KHDRBS2: variants seen among roughly 807,000 people sequenced by gnomAD.
KHDRBS2 encodes the protein KH RNA binding domain containing, signal transduction associated 2, also known as KH domain-containing, RNA-binding, signal transduction-associated protein 2.
In KHDRBS2, 26 loss-of-function variants were observed where a neutral mutation model predicts 44.3. That is an observed-to-expected ratio of 0.59 (90% confidence interval 0.43 to 0.81). The LOEUF (loss-of-function observed/expected upper bound fraction) is 0.81. Among genes scored for constraint, KHDRBS2 ranks in the 40% least tolerant of loss-of-function variants. KHDRBS2 has a pLI of 0.00. For missense variants in KHDRBS2, 476 were observed against 433.1 expected (o/e 1.10, Z -0.88); for synonymous variants, 194 against 151.1 (o/e 1.28, Z -2.08).
rs749292989 is a variant in KHDRBS2, at chr6:61,732,695, T to C, written c.880A>G (p.Thr294Ala). 4 of 1,606,056 alleles carry C rather than the reference T, an allele frequency of 2.5e-6. No individual in the cohort carries two copies. Among genetic ancestry groups the C allele is most frequent in the Non-Finnish European group, 2.6e-6 (3 of 1,173,002 alleles). ...CAAATGCCTTACCTTTGTGTTTGGG[T>C]CGCATAGCTGTTATCATAAGTCTCA... ...TYETYDNSYA[T>A]QTQSVPEYYD... Residue 294 changes from threonine to alanine, a missense_variant, in exon 7 of 9, where the codon ACC (threonine) becomes GCC (alanine). Physicochemically the swap from Thr to Ala is moderately conservative, Grantham distance 58. Transcript: ENST00000281156.
At chr6:61,571,198 C>T in the KHDRBS2 span, among the ~76,000 whole-genome samples, 1 of 151,954 alleles carries the variant, frequency 6.6e-6, no homozygotes, top group Non-Finnish European at 1.5e-5. Flanking sequence ...TAATGACTCA[C>T]ATAAACTTAT....
chr6:61,999,773 A>G (rs1377575627), intron 3 of KHDRBS2, among the ~76,000 whole-genome samples: 1 of 152,080 alleles, frequency 6.6e-6, no homozygotes, highest in Non-Finnish European at 1.5e-5. Context: ...TGTCTTTTAT[A>G]GTTTTTTCTT....
At chr6:62,246,212 T>G (rs1200943203) in intron 1 of KHDRBS2, among the ~76,000 whole-genome samples, 1 of 149,872 alleles carries the variant, frequency 6.7e-6, no homozygotes, top group Non-Finnish European at 1.5e-5. Context: ...AGAAGAGGAA[T>G]GTATATTAAA....
intron 1 of KHDRBS2, among the ~76,000 whole-genome samples, chr6:62,191,778 A>G (rs1464782300): frequency 2.6e-5 from 4 of 152,122 alleles, no homozygotes; most frequent in Admixed American, 6.6e-5. Flanking sequence ...TCCACAAAAC[A>G]TGGTACTAAA....
At chr6:62,201,582 CT>C (rs1451214049) in intron 1 of KHDRBS2, among the ~76,000 whole-genome samples, 1 of 151,934 alleles carries the variant, frequency 6.6e-6, no homozygotes, top group East Asian at 1.9e-4. Flanking sequence ...AGACAGTGAG[CT>C]ACAGGTAGAA....
At chr6:62,125,003 A>T (rs1386925148) in intron 2 of KHDRBS2, among the ~76,000 whole-genome samples, 1 of 151,794 alleles carries the variant, frequency 6.6e-6, no homozygotes, top group African/African-American at 2.4e-5. Context: ...GACACTGAAC[A>T]TTTTTTTTCA....
chr6:62,160,867 G>C (rs1817475936), intron 2 of KHDRBS2, among the ~76,000 whole-genome samples: 1 of 152,044 alleles, frequency 6.6e-6, no homozygotes, highest in Non-Finnish European at 1.5e-5. Context: ...ATACAGTGTA[G>C]TGGTGTTAAA....
At chr6:62,106,249 T>C (rs1291229182) in intron 2 of KHDRBS2, among the ~76,000 whole-genome samples, 1 of 152,162 alleles carries the variant, frequency 6.6e-6, no homozygotes, top group Non-Finnish European at 1.5e-5. Flanking sequence ...AAAAAATGTA[T>C]ATTCTGTTGA....
At chr6:61,660,465 T>C in the KHDRBS2 span, among the ~76,000 whole-genome samples, 1 of 151,800 alleles carries the variant, frequency 6.6e-6, no homozygotes, top group Non-Finnish European at 1.5e-5. Flanking sequence ...TCCTGAAATA[T>C]ATCTTACACA....
At chr6:61,726,179 C>G (rs756074930) in intron 7 of KHDRBS2, among the ~76,000 whole-genome samples, 7 of 149,166 alleles carry the variant, frequency 4.7e-5, no homozygotes, top group African/African-American at 1.5e-4. Flanking sequence ...ATCGCATAAA[C>G]AGAACTAATA....
intron 3 of KHDRBS2, among the ~76,000 whole-genome samples, chr6:61,985,245 T>C (rs1252651456): frequency 2.6e-5 from 4 of 152,244 alleles, no homozygotes; most frequent in Admixed American, 2.0e-4. Flanking sequence ...GTAATATGGG[T>C]TAGCCTCAAC....
intron 4 of KHDRBS2, among the ~76,000 whole-genome samples, chr6:61,951,837 T>A (rs900350627): frequency 2.6e-5 from 4 of 151,342 alleles, no homozygotes; most frequent in African/African-American, 9.7e-5. Flanking sequence ...CTTGTTGAGA[T>A]TTTTTTTTAG....
chr6:62,114,556 A>G (rs1437954132), intron 2 of KHDRBS2, among the ~76,000 whole-genome samples: 1 of 152,168 alleles, frequency 6.6e-6, no homozygotes, highest in Non-Finnish European at 1.5e-5. Flanking sequence ...TACAAATAAT[A>G]TTCATCATCC....
At chr6:62,156,462 A>G (rs971218697) in intron 2 of KHDRBS2, among the ~76,000 whole-genome samples, 2 of 152,222 alleles carry the variant, frequency 1.3e-5, no homozygotes, top group Admixed American at 1.3e-4. Flanking sequence ...TATGTTGGTA[A>G]TTAAGTCAAC....
intron 6 of KHDRBS2, chr6:61,816,807 T>C: frequency 2.6e-6 from 1 of 379,506 alleles, no homozygotes; most frequent in Non-Finnish European, 5.2e-6. Context: ...CTCTCCCACA[T>C]ACATTTTATA....
the KHDRBS2 span, among the ~76,000 whole-genome samples, chr6:61,559,172 T>A: frequency 2.3e-3 from 350 of 152,284 alleles, 2 homozygotes; most frequent in African/African-American, 8.2e-3. Context: ...TATAGTGAAC[T>A]ATTTTGTCTT....
chr6:61,857,677 G>A (rs886826619), intron 6 of KHDRBS2, among the ~76,000 whole-genome samples: 17 of 151,906 alleles, frequency 1.1e-4, no homozygotes, highest in Non-Finnish European at 1.9e-4. Flanking sequence ...TATATACACA[G>A]AGCTTCCCCT....
Position 62,154,336 on chromosome 6 carries a change from A to T in KHDRBS2, c.219+22849T>A, listed in dbSNP as rs564864841. 4.1e-4 allele frequency among the ~76,000 whole-genome samples: 62 copies of T among 152,250 alleles called. 1 individual carries two copies. The highest frequency in any genetic ancestry group is 1.4e-3 in the African/African-American group (60 of 41,540). On this transcript the variant is annotated intron_variant, in intron 2 of 8. Transcript: ENST00000281156. ...TTTGCCTTATTTTGCCTGCTGCATT[A>T]CTTCCTAGTCTGGATTTGAGTAGAA...
intron 6 of KHDRBS2, among the ~76,000 whole-genome samples, chr6:61,744,830 G>A (rs1272756662): frequency 2.0e-5 from 3 of 151,952 alleles, no homozygotes. Flanking sequence ...CTTGTCAATT[G>A]TCAAACATTG....
Sources: gnomAD v4.1 joint callset for allele counts (sites outside exome capture counted in the v4.1 genomes callset) on GRCh38, gnomAD v4.1.1 for gene constraint, MANE v1.5 for transcripts, NCBI Gene and HGNC (gene_info 2026-07-23, HGNC 2026-07-21) for gene names.